The following SERF2 variants were observed in gnomAD, a reference collection of about 807,000 sequenced individuals.
The protein encoded by SERF2 is small EDRK-rich factor 2.
In SERF2, 4 loss-of-function variants were observed where a neutral mutation model predicts 10.7. The observed-to-expected ratio is 0.37, with a 90% CI of 0.18 to 0.86. The LOEUF (loss-of-function observed/expected upper bound fraction) is 0.86. SERF2 is among the 40% of genes least tolerant of loss of function. SERF2 has a pLI of 0.43. For synonymous variants in SERF2, 26 were observed against 26.0 expected, an observed-to-expected ratio of 1.00 and a Z score of 0.01; for missense variants, 47 against 79.1, an observed-to-expected ratio of 0.59 and a Z score of 1.54.
chr15:43,791,936 G>C (rs538951656), upstream of SERF2: 27 of 241,286 alleles, frequency 1.1e-4, no homozygotes, highest in Non-Finnish European at 2.0e-4. Context: ...ACACAGAACT[G>C]GCTGAAACCC....
At chr15:43,790,642 G>T (rs931428616), upstream of SERF2, among the ~76,000 whole-genome samples, 2 of 152,026 alleles carry the variant, frequency 1.3e-5, no homozygotes, top group Non-Finnish European at 2.9e-5. Flanking sequence ...GATGGCGGGT[G>T]CCTGTAATCG....
At position 43,794,992 on chromosome 15, in the gene SERF2, A is replaced by T. The variant is rs763295298; in HGVS notation, c.*1219A>T. 1 of 1,601,032 alleles carries T rather than the reference A, an allele frequency of 6.2e-7. No homozygotes were observed. The highest frequency in any genetic ancestry group is 2.2e-5 in the East Asian group (1 of 44,734). On this transcript the variant is annotated 3_prime_UTR_variant, in exon 3 of 3. Coordinates refer to ENST00000249786, the MANE Select transcript of SERF2 (RefSeq NM_001018108.4). Reference sequence around the variant, plus strand: ...AATGTCAGGGGAACCCCAGTTTGTGAAAAGGACTTAGACTGGAGGATATTT... The same window carrying T: ...AATGTCAGGGGAACCCCAGTTTGTGTAAAGGACTTAGACTGGAGGATATTT...
chr15:43,792,531 GAAATC>G, intron 1 of SERF2, 148 bp downstream of exon 1: 1 of 1,522,518 alleles, frequency 6.6e-7, no homozygotes. Flanking sequence ...TCGGTGCCCG[GAAATC>G]GAGCCCTTTG....
chr15:43,795,411 C>CATGACAT lies in SERF2; in HGVS notation c.*1640_*1646dup. 6.2e-7 allele frequency: 1 copy of CATGACAT among 1,614,128 alleles called. No homozygotes were observed. The highest frequency in any genetic ancestry group is 8.5e-7 in the Non-Finnish European group (1 of 1,180,034). ...ACCTGAACCAGTTGGTAAGGGTAAC[C>CATGACAT]ATGACATAGAGTGAGGCAAGGAAGA... On this transcript the variant is annotated 3_prime_UTR_variant, in exon 3 of 3. Coordinates refer to ENST00000249786, the MANE Select transcript of SERF2 (RefSeq NM_001018108.4).
In SERF2 at chr15:43,793,026, A is replaced by G; in HGVS notation, c.59A>G (p.Asp20Gly). ...ARQKNMKKQS[D>G]SVKGKRRDDG... Reference sequence around the variant, plus strand: ...CAGAAGAATATGAAAAAGCAGAGCGACTCGGTTAAGGGAAAGCGCCGAGAT... The same window carrying G: ...CAGAAGAATATGAAAAAGCAGAGCGGCTCGGTTAAGGGAAAGCGCCGAGAT... Residue 20 changes from aspartate (D) to glycine (G), a missense_variant, in exon 2 of 3, where the codon GAC becomes GGC. Transcript: ENST00000249786. 1 of 1,612,768 alleles carries G rather than the reference A, an allele frequency of 6.2e-7. No homozygotes were observed. The highest frequency in any genetic ancestry group is 8.5e-7 in the Non-Finnish European group (1 of 1,178,994).
intron 1 of SERF2, 28 bp downstream of exon 1, chr15:43,792,411 C>T: frequency 6.2e-7 from 1 of 1,613,940 alleles, no homozygotes; most frequent in Non-Finnish European, 8.5e-7. Flanking sequence ...TTCTCCTTGC[C>T]CTTTTCTTTC....
chr15:43,782,168 C>T (rs981731963), intron 1 of SERF2, among the ~76,000 whole-genome samples: 5 of 151,894 alleles, frequency 3.3e-5, no homozygotes, highest in Non-Finnish European at 7.4e-5. Flanking sequence ...GGATTACAAG[C>T]GTGAGCCACC....
chr15:43,778,619 G>A (rs1461589894), intron 1 of SERF2, among the ~76,000 whole-genome samples: 1 of 114,432 alleles, frequency 8.7e-6, no homozygotes, highest in Non-Finnish European at 1.9e-5. Context: ...AAAAAAAGAG[G>A]CTGGGTGCGG....
Position 43,794,784 on chromosome 15 carries a change from C to T in SERF2, c.*1011C>T. 1.9e-6 allele frequency: 1 copy of T among 518,870 alleles called. No homozygotes were observed. Among genetic ancestry groups the T allele is most frequent in the Non-Finnish European group, 3.4e-6 (1 of 290,594 alleles). 32.1% of individuals were successfully genotyped at this position (518,870 alleles called of 1,614,324 possible). The stretch of plus-strand genomic sequence containing the variant: ...CTGATTTGGGTGTTAGGCTCTTGAG[C>T]TGGGATGCAGATGTAACAGTAGCTC... On this transcript the variant is annotated 3_prime_UTR_variant, in exon 3 of 3. Transcript: ENST00000249786.
rs2087178146 is a variant in SERF2 at position 43,795,183 on chromosome 15, G to A, written c.*1410G>A. ...AGAAGGTGGCCCAGCTACCCTTGATGAAGGTCTTTTCCAGTTCTGCTCCCT... is the reference window on the plus strand; with the variant it reads ...AGAAGGTGGCCCAGCTACCCTTGATAAAGGTCTTTTCCAGTTCTGCTCCCT... On this transcript the variant is annotated 3_prime_UTR_variant, in exon 3 of 3. Transcript: ENST00000249786. 1 of 1,614,016 alleles carries A rather than the reference G, an allele frequency of 6.2e-7. No homozygotes were observed. The highest frequency in any genetic ancestry group is 1.3e-5 in the African/African-American group (1 of 74,892).
chr15:43,779,131 T>C (rs900076054), intron 1 of SERF2, among the ~76,000 whole-genome samples: 1 of 152,086 alleles, frequency 6.6e-6, no homozygotes, highest in Non-Finnish European at 1.5e-5. Flanking sequence ...AGCCTAAAGG[T>C]AGGAGTGTGG....
At position 43,795,268 on chromosome 15, in the gene SERF2, T is replaced by C. The variant is rs2087181266; in HGVS notation, c.*1495T>C. The C allele has an allele frequency of 6.3e-7, 1 of 1,595,998 alleles. No individual in the cohort carries two copies. Among genetic ancestry groups the C allele is most frequent in the Non-Finnish European group, 8.6e-7 (1 of 1,164,190 alleles). ...TATGAAGGGCCTTAGCTTTTAGACC[T>C]GTTCTACCTCCTCACCAAATATAAT... On this transcript the variant is annotated 3_prime_UTR_variant, in exon 3 of 3. Coordinates refer to ENST00000249786, the MANE Select transcript of SERF2 (RefSeq NM_001018108.4).
At chr15:43,792,055 A>C (rs1314361110), upstream of SERF2, 2 of 496,720 alleles carry the variant, frequency 4.0e-6, no homozygotes, top group African/African-American at 3.9e-5. Context: ...CGGGAGCGCC[A>C]CATCGCCAGC....
chr15:43,790,276 G>A (rs1177353182), upstream of SERF2, among the ~76,000 whole-genome samples: 1 of 151,374 alleles, frequency 6.6e-6, no homozygotes, highest in African/African-American at 2.4e-5. Context: ...TACCACTCCA[G>A]CCTCCAGCCT....
In SERF2 at chr15:43,792,342, C is replaced by G; in HGVS notation, c.-35C>G. On this transcript the variant is annotated 5_prime_UTR_variant, in exon 1 of 3. Transcript: ENST00000249786. ...TGCAACGTCCGACAGAACGAGGGGA[C>G]GTAACGGAGGCAGGTTGGAGCCGCT... The G allele has an allele frequency of 6.5e-7, 1 of 1,538,386 alleles. No individual in the cohort carries two copies. The highest frequency in any genetic ancestry group is 9.0e-7 in the Non-Finnish European group (1 of 1,111,162).
chr15:43,789,464 A>G (rs1222148313), upstream of SERF2, among the ~76,000 whole-genome samples: 1 of 152,138 alleles, frequency 6.6e-6, no homozygotes, highest in Non-Finnish European at 1.5e-5. Flanking sequence ...CTTTAGCTCA[A>G]ATATCACTTA....
chr15:43,795,258 C>G lies in SERF2; in HGVS notation c.*1485C>G, dbSNP rs1318904656. 4 of 1,602,160 alleles carry G rather than the reference C, an allele frequency of 2.5e-6. No individual in the cohort carries two copies. The highest frequency in any genetic ancestry group is 2.6e-6 in the Non-Finnish European group (3 of 1,169,504). Reference sequence around the variant, plus strand: ...GGTTAGAGAATATGAAGGGCCTTAGCTTTTAGACCTGTTCTACCTCCTCAC... The same window carrying G: ...GGTTAGAGAATATGAAGGGCCTTAGGTTTTAGACCTGTTCTACCTCCTCAC... On this transcript the variant is annotated 3_prime_UTR_variant, in exon 3 of 3. Transcript: ENST00000249786.
At chr15:43,777,153 G>T in exon 1 of SERF2, 1 of 677,542 alleles carries the variant, frequency 1.5e-6, no homozygotes. Flanking sequence ...GAATCGCTTT[G>T]GGCTATCGGA....
chr15:43,787,468 G>A (rs971671259), upstream of SERF2, among the ~76,000 whole-genome samples: 47 of 152,160 alleles, frequency 3.1e-4, no homozygotes, highest in Non-Finnish European at 5.4e-4. Flanking sequence ...TGCGATTTCC[G>A]CTCACCGCAA....
Sources: gnomAD v4.1 joint callset for allele counts (sites outside exome capture counted in the v4.1 genomes callset) on GRCh38, gnomAD v4.1.1 for gene constraint, MANE v1.5 for transcripts, NCBI Gene and HGNC (gene_info 2026-07-23, HGNC 2026-07-21) for gene names.